Variants in MRRF observed in about 807,000 individuals in gnomAD.
The protein encoded by MRRF is ribosome-recycling factor, mitochondrial.
MRRF carries 18 observed loss-of-function variants against 25.1 expected under a neutral mutation model. The ratio of observed to expected loss-of-function variants is 0.72; its 90% CI spans 0.50 to 1.06. The LOEUF (loss-of-function observed/expected upper bound fraction) is 1.06. MRRF is among the 50% of genes least tolerant of loss of function. The pLI is 0.00. For missense variants in MRRF, 323 were observed against 319.3 expected, an observed-to-expected ratio of 1.01 and a Z score of -0.09; for synonymous variants, 113 against 112.1, an observed-to-expected ratio of 1.01 and a Z score of -0.05.
Position 122,271,044 on chromosome 9 carries a change from A to G in MRRF, c.153A>G (p.Pro51=), listed in dbSNP as rs772857333. 1 of 1,614,214 alleles carries G rather than the reference A, an allele frequency of 6.2e-7. No individual in the cohort carries two copies. Among genetic ancestry groups the G allele is most frequent in the Non-Finnish European group, 8.5e-7 (1 of 1,180,030 alleles). The change falls in exon 2 of 7, where the codon CCA becomes CCG. Residue 51 remains proline (P), a synonymous_variant. Coordinates refer to ENST00000344641, the MANE Select transcript of MRRF (RefSeq NM_138777.5). ...HRQYMAYSAV[P]VRHFATKKAK... ...AATACATGGCCTATTCAGCTGTACC[A>G]GTCCGCCATTTTGCTACCAAGAAAG...
chr9:122,320,657 T>C lies in MRRF; in HGVS notation c.712-1883T>C, dbSNP rs138492518. 3.7e-3 allele frequency among the ~76,000 whole-genome samples: 560 copies of C among 152,326 alleles called. 5 individuals carry two copies. The highest frequency in any genetic ancestry group is 0.013 in the African/African-American group (525 of 41,570). On this transcript the variant is annotated intron_variant, in intron 6 of 6. Transcript: ENST00000344641. ...AGTGTGTCTGGCAGCCCCCAGGTGT[T>C]TTGCTTTTCTAGCTGAAAAAATGCA...
chr9:122,271,787 A>G (rs1049415839), intron 2 of MRRF, among the ~76,000 whole-genome samples: 1 of 152,188 alleles, frequency 6.6e-6, no homozygotes, highest in African/African-American at 2.4e-5. Flanking sequence ...TGTATTGACA[A>G]ATTTTGTTGA....
chr9:122,312,728 G>A (rs551483064), intron 5 of MRRF, among the ~76,000 whole-genome samples: 28 of 152,298 alleles, frequency 1.8e-4, no homozygotes, highest in Non-Finnish European at 3.4e-4. Context: ...AACGTGGTTC[G>A]TGACCTTGCA....
Position 122,271,055 on chromosome 9 carries a change from T to C in MRRF, c.164T>C (p.Phe55Ser). 6.2e-7 allele frequency: 1 copy of C among 1,614,234 alleles called. No homozygotes were observed. The highest frequency in any genetic ancestry group is 8.5e-7 in the Non-Finnish European group (1 of 1,180,024). Residue 55 changes from phenylalanine to serine, a missense_variant, in exon 2 of 7, where the codon TTT becomes TCT. Physicochemically the swap from Phe to Ser is radical, Grantham distance 155. Transcript: ENST00000344641. ...MAYSAVPVRH[F>S]ATKKAKAKGK... Reference sequence around the variant, plus strand: ...TATTCAGCTGTACCAGTCCGCCATTTTGCTACCAAGAAAGCCAAAGGTAGA... The same window carrying C: ...TATTCAGCTGTACCAGTCCGCCATTCTGCTACCAAGAAAGCCAAAGGTAGA...
chr9:122,278,672 A>T (rs1185008060), intron 2 of MRRF, among the ~76,000 whole-genome samples: 1 of 152,176 alleles, frequency 6.6e-6, no homozygotes, highest in Non-Finnish European at 1.5e-5. Context: ...TAAAAGTTCA[A>T]AGTTGAAGAT....
At chr9:122,275,821 C>T (rs146195131) in intron 2 of MRRF, among the ~76,000 whole-genome samples, 2 of 152,322 alleles carry the variant, frequency 1.3e-5, no homozygotes, top group African/African-American at 4.8e-5. Context: ...CACACCCATA[C>T]ATGCACCCAC....
intron 6 of MRRF, among the ~76,000 whole-genome samples, chr9:122,314,807 T>C (rs1835413497): frequency 6.6e-6 from 1 of 152,142 alleles, no homozygotes; most frequent in Non-Finnish European, 1.5e-5. Context: ...GGCCTGAACC[T>C]GAGTGGCACC....
intron 4 of MRRF, among the ~76,000 whole-genome samples, chr9:122,289,161 T>G (rs60833432): frequency 0.026 from 3,936 of 152,294 alleles, 150 homozygotes; most frequent in African/African-American, 0.085. Flanking sequence ...AAATGAAACT[T>G]TGATTCATGA....
intron 5 of MRRF, among the ~76,000 whole-genome samples, chr9:122,297,555 T>C (rs1834168173): frequency 6.6e-6 from 1 of 152,202 alleles, no homozygotes; most frequent in African/African-American, 2.4e-5. Context: ...ACTATTGGCA[T>C]TTTACACTTA....
chr9:122,273,082 T>C (rs1242879533), intron 2 of MRRF, among the ~76,000 whole-genome samples: 4 of 152,210 alleles, frequency 2.6e-5, no homozygotes, highest in Admixed American at 1.3e-4. Flanking sequence ...ACCACACATA[T>C]GCTTTTCTTT....
At chr9:122,272,101 T>C (rs953608429) in intron 2 of MRRF, among the ~76,000 whole-genome samples, 1 of 152,242 alleles carries the variant, frequency 6.6e-6, no homozygotes, top group Non-Finnish European at 1.5e-5. Flanking sequence ...ATTCTTATAA[T>C]TATCCATTGA....
At chr9:122,266,154 G>C (rs1832069190) in intron 1 of MRRF, among the ~76,000 whole-genome samples, 1 of 152,184 alleles carries the variant, frequency 6.6e-6, no homozygotes, top group Non-Finnish European at 1.5e-5. Context: ...CAGGTACTGG[G>C]GATACAGCAG....
At chr9:122,286,005 A>G (rs1273836894) in intron 4 of MRRF, 1 of 1,303,140 alleles carries the variant, frequency 7.7e-7, no homozygotes, top group Non-Finnish European at 1.0e-6. Context: ...GTAGTTGAAG[A>G]AGGTAATTGG....
At chr9:122,277,046 G>T (rs1253732380) in intron 2 of MRRF, among the ~76,000 whole-genome samples, 1 of 151,988 alleles carries the variant, frequency 6.6e-6, no homozygotes, top group Non-Finnish European at 1.5e-5. Flanking sequence ...TTTTTGTAGG[G>T]ACTGGGTTTT....
intron 3 of MRRF, among the ~76,000 whole-genome samples, chr9:122,283,934 T>C (rs1199581623): frequency 6.6e-6 from 1 of 152,046 alleles, no homozygotes; most frequent in Non-Finnish European, 1.5e-5. Context: ...AGATAAAGAT[T>C]ATATCCAGGA....
At chr9:122,268,038 T>C (rs1360746446) in intron 1 of MRRF, among the ~76,000 whole-genome samples, 1 of 152,236 alleles carries the variant, frequency 6.6e-6, no homozygotes, top group Non-Finnish European at 1.5e-5. Context: ...TGGCTCATAC[T>C]TGGGATCTCA....
intron 5 of MRRF, among the ~76,000 whole-genome samples, chr9:122,301,803 G>A (rs1323924798): frequency 1.3e-5 from 2 of 150,570 alleles, no homozygotes; most frequent in East Asian, 3.9e-4. Flanking sequence ...GCATGATCTC[G>A]GCTCACTGCA....
intron 6 of MRRF, among the ~76,000 whole-genome samples, chr9:122,313,735 A>G (rs950514188): frequency 3.9e-5 from 6 of 152,220 alleles, no homozygotes; most frequent in Non-Finnish European, 7.3e-5. Context: ...AATCGGATCC[A>G]TACTTAGGCA....
intron 4 of MRRF, chr9:122,286,289 C>T: frequency 1.0e-6 from 1 of 971,864 alleles, no homozygotes; most frequent in Non-Finnish European, 1.4e-6. Flanking sequence ...AAAGCCCTTG[C>T]TGTGAACACA....
Sources: allele counts gnomAD v4.1 joint callset (sites outside exome capture counted in the v4.1 genomes callset), GRCh38; gene constraint gnomAD v4.1.1; transcripts MANE v1.5; gene names NCBI Gene and HGNC (gene_info 2026-07-23, HGNC 2026-07-21).